The following FGF12 variants were observed in gnomAD, a reference collection of about 807,000 sequenced individuals.
FGF12 encodes the protein fibroblast growth factor 12B.
A neutral mutation model predicts 23.6 loss-of-function variants in FGF12; 14 were observed. The ratio of observed to expected loss-of-function variants is 0.59; its 90% confidence interval spans 0.39 to 0.93. FGF12 has a LOEUF of 0.93. Ranked by LOEUF, FGF12 falls within the 40% of genes least tolerant of loss-of-function variation. The pLI, the probability that FGF12 is intolerant of heterozygous loss-of-function variation, is 0.00. For synonymous variants in FGF12, 62 were observed against 77.3 expected, an observed-to-expected ratio of 0.80 and a Z score of 1.04; for missense variants, 175 against 217.8, an observed-to-expected ratio of 0.80 and a Z score of 1.24.
chr3:192,397,463 G>A (rs1022829777), intron 2 of FGF12, among the ~76,000 whole-genome samples: 2 of 152,126 alleles, frequency 1.3e-5, no homozygotes, highest in Non-Finnish European at 2.9e-5. Context: ...CACCTCATAT[G>A]CCATCTCTTC....
At chr3:192,268,765 C>T (rs1713240899) in intron 4 of FGF12, 1 of 398,068 alleles carries the variant, frequency 2.5e-6, no homozygotes, top group African/African-American at 2.1e-5. Context: ...CCGATCAAAA[C>T]TATTGTCTTC....
intron 4 of FGF12, among the ~76,000 whole-genome samples, chr3:192,303,226 GA>G (rs766117998): frequency 6.6e-6 from 1 of 151,820 alleles, no homozygotes; most frequent in South Asian, 2.1e-4. Context: ...TTTAAGTATG[GA>G]AAAAAAATGG....
At chr3:192,239,277 T>A (rs1719470872) in intron 4 of FGF12, among the ~76,000 whole-genome samples, 1 of 152,226 alleles carries the variant, frequency 6.6e-6, no homozygotes, top group Non-Finnish European at 1.5e-5. Context: ...CATGGAAACT[T>A]GTCCATTTTG....
At chr3:192,407,723 T>TGAATGAATG (rs760552008) in intron 2 of FGF12, among the ~76,000 whole-genome samples, 32,875 of 147,496 alleles carry the variant, frequency 0.22, 3,932 homozygotes, top group Non-Finnish European at 0.27. Context: ...ATGAATGAAT[T>TGAATGAATG]AATGAATGAA....
At chr3:192,507,743 T>A (rs1025681775) in intron 2 of FGF12, among the ~76,000 whole-genome samples, 52 of 152,314 alleles carry the variant, frequency 3.4e-4, no homozygotes, top group African/African-American at 1.3e-3. Flanking sequence ...CTGATCTCAA[T>A]TAATCTTCTG....
At chr3:192,684,886 C>T (rs1717675204) in intron 2 of FGF12, among the ~76,000 whole-genome samples, 1 of 152,092 alleles carries the variant, frequency 6.6e-6, no homozygotes, top group Admixed American at 6.5e-5. Flanking sequence ...TAGTAATAAA[C>T]ACAACGTGGA....
At position 192,362,007 on chromosome 3, in the gene FGF12, C is replaced by A. The variant is rs544425669; in HGVS notation, c.14-1469G>T. The stretch of plus-strand genomic sequence containing the variant: ...AAATTCCGTTTTTTAAATTTGTGAA[C>A]CTCAATGTCCTCATCAATAAAAATC... On this transcript the variant is annotated intron_variant, in intron 2 of 5. Coordinates refer to ENST00000445105, the MANE Select transcript of FGF12 (RefSeq NM_004113.6). Among the ~76,000 whole-genome samples the A allele has an allele frequency of 3.3e-5, 5 of 152,234 alleles. No homozygotes were observed. In the South Asian group the frequency reaches 1.0e-3, roughly 32 times the overall value.
chr3:192,270,291 G>A (rs1448591933), intron 4 of FGF12, among the ~76,000 whole-genome samples: 2 of 152,112 alleles, frequency 1.3e-5, no homozygotes, highest in African/African-American at 4.8e-5. Flanking sequence ...ATGTAATACA[G>A]CACTTAATTT....
chr3:192,422,660 C>T (rs1390972130), intron 2 of FGF12, among the ~76,000 whole-genome samples: 1 of 152,136 alleles, frequency 6.6e-6, no homozygotes, highest in Non-Finnish European at 1.5e-5. Flanking sequence ...TATGTATCAA[C>T]TTATTATCAC....
At chr3:192,456,576 C>A (rs1487480490) in intron 2 of FGF12, among the ~76,000 whole-genome samples, 1 of 151,670 alleles carries the variant, frequency 6.6e-6, no homozygotes, top group Non-Finnish European at 1.5e-5. Context: ...CTCATTTACC[C>A]CATAAATGTA....
chr3:192,243,153 G>A (rs1719709208), intron 4 of FGF12, among the ~76,000 whole-genome samples: 1 of 151,996 alleles, frequency 6.6e-6, no homozygotes, highest in African/African-American at 2.4e-5. Flanking sequence ...TCATAAAGAT[G>A]TTAACCTTAA....
intron 2 of FGF12, among the ~76,000 whole-genome samples, chr3:192,566,446 T>C (rs771540874): frequency 6.6e-6 from 1 of 151,590 alleles, no homozygotes; most frequent in Non-Finnish European, 1.5e-5. Flanking sequence ...GGCTGGAGAG[T>C]ATAGAATAAA....
chr3:192,604,238 T>C lies in FGF12; in HGVS notation c.13+122943A>G, dbSNP rs149033800. On this transcript the variant is annotated intron_variant, in intron 2 of 5. Transcript: ENST00000445105. ...TTCAAGGTGCACTGATTTCATACTG[T>C]TTGAACACACATGTTTTACAATCAA... Among the ~76,000 whole-genome samples the C allele has an allele frequency of 1.0e-3, 158 of 152,296 alleles. 1 individual carries two copies. In the East Asian group the frequency reaches 0.014, roughly 14 times the overall value.
At chr3:192,556,009 A>G (rs1420792207) in intron 2 of FGF12, among the ~76,000 whole-genome samples, 57 of 152,154 alleles carry the variant, frequency 3.7e-4, no homozygotes. Context: ...TATCTATAAA[A>G]GATGCACCAA....
chr3:192,458,119 G>A (rs1722735824), intron 2 of FGF12, among the ~76,000 whole-genome samples: 1 of 152,196 alleles, frequency 6.6e-6, no homozygotes, highest in African/African-American at 2.4e-5. Context: ...GAAGATGTAT[G>A]GAAACGCCTG....
intron 2 of FGF12, among the ~76,000 whole-genome samples, chr3:192,551,705 C>A (rs958664157): frequency 1.3e-5 from 2 of 152,132 alleles, no homozygotes; most frequent in East Asian, 3.9e-4. Context: ...TCAAAACAAG[C>A]CACCAGTAGT....
At chr3:192,257,359 CATCACCCAGATG>C (rs1712463628) in intron 4 of FGF12, among the ~76,000 whole-genome samples, 1 of 152,074 alleles carries the variant, frequency 6.6e-6, no homozygotes, top group African/African-American at 2.4e-5. Flanking sequence ...ATAGCCTGTC[CATCACCCAGATG>C]ATCTCTATAT....
At chr3:192,313,506 T>G (rs186138557) in intron 4 of FGF12, among the ~76,000 whole-genome samples, 1 of 152,210 alleles carries the variant, frequency 6.6e-6, no homozygotes, top group Non-Finnish European at 1.5e-5. Context: ...TCCTTGCCCT[T>G]GCTACAGAAA....
intron 4 of FGF12, chr3:192,244,846 C>T (rs894048896): frequency 6.6e-6 from 1 of 152,116 alleles, no homozygotes; most frequent in African/African-American, 2.4e-5. Flanking sequence ...ATTAATGCAG[C>T]TTTACCTTAC....
Sources: gnomAD v4.1 joint callset for allele counts (sites outside exome capture counted in the v4.1 genomes callset) on GRCh38, gnomAD v4.1.1 for gene constraint, MANE v1.5 for transcripts, NCBI Gene and HGNC (gene_info 2026-07-23, HGNC 2026-07-21) for gene names.